WNK4: variants seen among roughly 807,000 people sequenced by gnomAD.
The protein encoded by WNK4 is WNK lysine deficient protein kinase 4, also known as serine/threonine-protein kinase WNK4.
A neutral mutation model predicts 116.2 loss-of-function variants in WNK4; 94 were observed. The observed-to-expected ratio is 0.81, with a 90% CI of 0.68 to 0.96. WNK4 has a LOEUF of 0.96. WNK4 is among the 40% of genes least tolerant of loss of function. The pLI, the probability that WNK4 is intolerant of heterozygous loss-of-function variation, is 0.00. For synonymous variants in WNK4, 655 were observed against 672.7 expected (o/e 0.97, Z 0.41); for missense variants, 1,542 against 1,650.6 (o/e 0.93, Z 1.14).
chr17:42,793,803 C>T lies in WNK4; in HGVS notation c.2295+74C>T, dbSNP rs539057033. ...AGGGTTTATTACTCTCTGCCCTCAG[C>T]GGTCCCCTTGGATTTAACTCCTCTT... is the stretch of plus-strand genomic sequence containing the variant. On this transcript the variant is annotated intron_variant, in intron 12 of 18. Transcript: ENST00000246914. The T allele has an allele frequency of 1.5e-5, 24 of 1,586,180 alleles. No individual in the cohort carries two copies. In the East Asian group the frequency reaches 1.8e-4, roughly 12 times the overall value.
At chr17:42,781,452 G>A (rs2054482942) in intron 1 of WNK4, 136 bp downstream of exon 1, 4 of 1,221,102 alleles carry the variant, frequency 3.3e-6, no homozygotes, top group Admixed American at 2.1e-5. Flanking sequence ...CACCTCTGCT[G>A]TCTTTGCCCT....
At position 42,780,816 on chromosome 17, in the gene WNK4, C is replaced by G; in HGVS notation, c.118C>G (p.Pro40Ala). ...GGGGCAGCCCCGCCTCGGGCCCCCT[C>G]CTCGCCGAGCGCGCCGCTTCTCCGG... ...TAGQPRLGPP[P>A]RRARRFSGKA... Residue 40 changes from proline (P) to alanine (A), a missense_variant, in exon 1 of 19, where the codon CCT (proline) becomes GCT (alanine). By Grantham distance (27) the Pro-to-Ala change is conservative (BLOSUM62 -1). Transcript: ENST00000246914. 6.2e-7 allele frequency: 1 copy of G among 1,601,766 alleles called. No individual in the cohort carries two copies. Among genetic ancestry groups the G allele is most frequent in the Non-Finnish European group, 8.5e-7 (1 of 1,178,062 alleles).
chr17:42,794,762 T>C lies in WNK4; in HGVS notation c.2351-10T>C, dbSNP rs1157043685. On this transcript the variant is annotated splice_polypyrimidine_tract_variant and intron_variant, in intron 13 of 18. Transcript: ENST00000246914. ...GTGGGACTGTGGTCTCAACATACCCTCCTTCCCAGAAGAGCTCCAGAGCAG... is the reference window on the plus strand; with the variant it reads ...GTGGGACTGTGGTCTCAACATACCCCCCTTCCCAGAAGAGCTCCAGAGCAG... 6.2e-7 allele frequency: 1 copy of C among 1,613,882 alleles called. No homozygotes were observed. Among genetic ancestry groups the C allele is most frequent in the Non-Finnish European group, 8.5e-7 (1 of 1,179,954 alleles).
Position 42,784,327 on chromosome 17 carries a change from A to C in WNK4, c.1013-95A>C, listed in dbSNP as rs999454321. On this transcript the variant is annotated intron_variant, in intron 3 of 18. Coordinates refer to ENST00000246914, the MANE Select transcript of WNK4 (RefSeq NM_032387.5). The surrounding 1 kb of genome is among the most constrained non-coding windows in gnomAD (Gnocchi z 4.4). ...CTCAACCCCACTGTGGGCCGGGGTC[A>C]CTTGCACTCGCAGGGTTGCCTGGGG... The C allele has an allele frequency of 1.3e-6, 2 of 1,563,916 alleles. No homozygotes were observed. Among genetic ancestry groups the C allele is most frequent in the South Asian group, 2.3e-5 (2 of 87,248 alleles).
rs778757727 is a variant in WNK4 at position 42,782,902 on chromosome 17, G to A, written c.763G>A (p.Glu255Lys). ...RGQVCIVLVT[E>K]LMTSGTLKTY... ...CCAGGTTTGCATCGTGCTGGTCACC[G>A]AACTCATGACCTCGGGCACGCTCAA... is the stretch of plus-strand genomic sequence containing the variant. The change falls in exon 2 of 19, where the codon GAA becomes AAA. Residue 255 changes from glutamate (E) to lysine (K), a missense_variant. Around this residue, in one of 7 missense-constraint regions of WNK4, gnomAD observed 808 missense variants for 873.6 expected, o/e 0.92. Transcript: ENST00000246914. The surrounding 1 kb of genome is among the most constrained non-coding windows in gnomAD (Gnocchi z 4.2). 7 of 1,614,114 alleles carry A rather than the reference G, an allele frequency of 4.3e-6. No individual in the cohort carries two copies. The highest frequency in any genetic ancestry group is 2.2e-5 in the East Asian group (1 of 44,880).
rs758683954 is a variant in WNK4, at chr17:42,780,994, C to G, written c.296C>G (p.Pro99Arg). The G allele has an allele frequency of 6.2e-7, 1 of 1,610,020 alleles. No individual in the cohort carries two copies. The highest frequency in any genetic ancestry group is 8.5e-7 in the Non-Finnish European group (1 of 1,179,138). The change falls in exon 1 of 19, where the codon CCG (proline) becomes CGG (arginine). Residue 99 changes from proline (P) to arginine (R), a missense_variant. This residue lies in a region of WNK4 where 243 missense variants were observed against 217.8 expected (regional missense o/e 1.12). Transcript: ENST00000246914. ...SAGPGPARSPPPSSKEPPEGT... is the reference protein window; with the variant it reads ...SAGPGPARSPRPSSKEPPEGT... Reference sequence around the variant, plus strand: ...GGTCCTGGCCCCGCGAGGAGCCCACCGCCTAGCTCCAAAGAACCCCCCGAG... The same window carrying G: ...GGTCCTGGCCCCGCGAGGAGCCCACGGCCTAGCTCCAAAGAACCCCCCGAG...
rs1248751565 is a variant in WNK4, at chr17:42,785,344, C to T, written c.1338C>T (p.Asp446=). 6 of 1,611,118 alleles carry T rather than the reference C, an allele frequency of 3.7e-6. No individual in the cohort carries two copies. In the South Asian group the frequency reaches 6.6e-5, roughly 18 times the overall value. ...RGVHVELAEE[D]DGEKPGLKLW... ...TGCACGTGGAACTAGCGGAGGAGGA[C>T]GACGGCGAGAAGCCGGGCCTCAAGC... is the stretch of plus-strand genomic sequence containing the variant. Residue 446 remains aspartate (D), a synonymous_variant, in exon 6 of 19, where the codon GAC becomes GAT. Coordinates refer to ENST00000246914, the MANE Select transcript of WNK4 (RefSeq NM_032387.5).
At chr17:42,794,747 G>A (rs2144079560) in intron 13 of WNK4, 25 bp from the exon 14 acceptor site, 2 of 1,613,860 alleles carry the variant, frequency 1.2e-6, no homozygotes, top group South Asian at 1.1e-5. Context: ...GTGGGACTGT[G>A]GTCTCAACAT....
chr17:42,786,386 G>A (rs781597912), intron 6 of WNK4, among the ~76,000 whole-genome samples: 1 of 152,118 alleles, frequency 6.6e-6, no homozygotes, highest in Non-Finnish European at 1.5e-5. Flanking sequence ...AGTCCTGAAG[G>A]GAGTATGGGA....
chr17:42,784,026 G>C lies in WNK4; in HGVS notation c.881G>C (p.Arg294Pro). Residue 294 changes from arginine (R) to proline (P), a missense_variant, in exon 3 of 19, where the codon CGG becomes CCG. Around this residue, in one of 7 missense-constraint regions of WNK4, gnomAD observed 808 missense variants for 873.6 expected, o/e 0.92. Transcript: ENST00000246914. This position sits in a 1 kb window ranked among gnomAD's most constrained non-coding sequence, Gnocchi z 4.4. The stretch of plus-strand genomic sequence containing the variant: ...CGGGGACTTCATTTCCTACACTCCC[G>C]GGTTCCTCCCATCCTGCACCGGGAT... Reference protein sequence around the residue: ...ILRGLHFLHSRVPPILHRDLK... With the variant: ...ILRGLHFLHSPVPPILHRDLK... The C allele has an allele frequency of 6.2e-7, 1 of 1,613,986 alleles. No homozygotes were observed.
Position 42,788,703 on chromosome 17 carries a change from T to TAAC in WNK4, c.2063_2064insAAC (p.Val688_Val689insThr). 6.2e-7 allele frequency: 1 copy of TAAC among 1,613,606 alleles called. No individual in the cohort carries two copies. The highest frequency in any genetic ancestry group is 8.5e-7 in the Non-Finnish European group (1 of 1,179,876). ...AAGGTCTCAGACCAGAATGACAGAG[T>TAAC]GGTTGAGTGCCAGCTACAGACCCAT... On this transcript the variant is annotated inframe_insertion, in exon 11 of 19. Transcript: ENST00000246914.
rs1352331804 is a variant in WNK4 at position 42,782,988 on chromosome 17, TC to T, written c.791+60del. 2.5e-6 allele frequency: 4 copies of T among 1,589,210 alleles called. No individual in the cohort carries two copies. Among genetic ancestry groups the T allele is most frequent in the Non-Finnish European group, 3.4e-6 (4 of 1,166,252 alleles). On this transcript the variant is annotated intron_variant, in intron 2 of 18. Transcript: ENST00000246914. This position sits in a 1 kb window ranked among gnomAD's most constrained non-coding sequence, Gnocchi z 4.2. The stretch of plus-strand genomic sequence containing the variant: ...GAGGCTGGGATGTGTGCCCACTGCT[TC>T]CTGAACTCCCAGGCTCCTCAAACTC...
chr17:42,794,930 C>T lies in WNK4; in HGVS notation c.2509C>T (p.His837Tyr). 1 of 1,577,424 alleles carries T rather than the reference C, an allele frequency of 6.3e-7. No individual in the cohort carries two copies. Among genetic ancestry groups the T allele is most frequent in the Non-Finnish European group, 8.7e-7 (1 of 1,154,378 alleles). ...CTTCCCCATCACTTCTCCCCCATGT[C>T]ATCCCAGCCCCTCCCCATTCTCCCC... ...PIFPITSPPC[H>Y]PSPSPFSPIS... Residue 837 changes from histidine (H) to tyrosine (Y), a missense_variant, in exon 14 of 19, where the codon CAT (histidine) becomes TAT (tyrosine). Coordinates refer to ENST00000246914, the MANE Select transcript of WNK4 (RefSeq NM_032387.5).
intron 13 of WNK4, 38 bp downstream of exon 13, chr17:42,794,706 T>C (rs2054643167): frequency 6.2e-7 from 1 of 1,613,534 alleles, no homozygotes; most frequent in African/African-American, 1.3e-5. Context: ...TCCCAACCCC[T>C]GGGGTTGCTC....
At position 42,782,247 on chromosome 17, in the gene WNK4, CAGCCTCCTGGCGCCT is replaced by C. The variant is rs2054492158; in HGVS notation, c.619-508_619-494del. ...GGGGCGGGACGACTATGGGGGTGGG[CAGCCTCCTGGCGCCT>C]AGTCCTGGATCTTTTCTTTCCTTCT... On this transcript the variant is annotated intron_variant, in intron 1 of 18. Transcript: ENST00000246914. This position sits in a 1 kb window ranked among gnomAD's most constrained non-coding sequence, Gnocchi z 4.2. 6.6e-6 allele frequency among the ~76,000 whole-genome samples: 1 copy of C among 152,168 alleles called. No homozygotes were observed. The highest frequency in any genetic ancestry group is 1.5e-5 in the Non-Finnish European group (1 of 68,010).
At chr17:42,792,737 C>G (rs892222654) in intron 11 of WNK4, among the ~76,000 whole-genome samples, 2 of 152,214 alleles carry the variant, frequency 1.3e-5, no homozygotes, top group African/African-American at 4.8e-5. Context: ...ACAATGCCAG[C>G]ACATAGTAGG....
At chr17:42,783,712 C>T in intron 2 of WNK4, 6 of 598,080 alleles carry the variant, frequency 1.0e-5, no homozygotes, top group Non-Finnish European at 1.8e-5. Flanking sequence ...TGGCCGAGGC[C>T]CTATCTATCA....
chr17:42,783,914 T>C, intron 2 of WNK4, 23 bp from the exon 3 acceptor site: 1 of 1,605,962 alleles, frequency 6.2e-7, no homozygotes, highest in Non-Finnish European at 8.5e-7. Context: ...CCACCAGGAC[T>C]CTGGCTATGC....
At chr17:42,794,416 G>A (rs541368576) in intron 12 of WNK4, 198 bp from the exon 13 acceptor site, 13 of 623,562 alleles carry the variant, frequency 2.1e-5, no homozygotes, top group Admixed American at 5.2e-5. Flanking sequence ...TATATTTTTC[G>A]GAACCACTTA....
Sources: allele counts gnomAD v4.1 joint callset (sites outside exome capture counted in the v4.1 genomes callset), GRCh38; gene constraint gnomAD v4.1.1; regional missense constraint gnomAD v4.1.1; non-coding constraint Gnocchi (gnomAD v3.1); transcripts MANE v1.5; gene names NCBI Gene and HGNC (gene_info 2026-07-23, HGNC 2026-07-21).